Variants in CFAP299 observed in about 807,000 individuals in gnomAD.
The protein encoded by CFAP299 is cilia and flagella associated protein 299.
In CFAP299, 21 loss-of-function variants were observed where a neutral mutation model predicts 27.0. That is an observed-to-expected ratio of 0.78 (90% CI 0.55 to 1.12). The LOEUF is 1.12. CFAP299 is among the 50% of genes most tolerant of loss of function. The probability of loss-of-function intolerance (pLI) is 0.00; values close to 1 mark genes in which losing one functional copy is unlikely to be tolerated. For synonymous variants in CFAP299, 104 were observed against 98.1 expected (o/e 1.06, Z -0.36); for missense variants, 310 against 276.6 (o/e 1.12, Z -0.86).
intron 2 of CFAP299, among the ~76,000 whole-genome samples, chr4:80,534,379 T>A (rs529743161): frequency 3.7e-4 from 56 of 151,646 alleles, no homozygotes; most frequent in African/African-American, 1.3e-3. Flanking sequence ...AAAGTTTAGA[T>A]AACTTTTACC....
At chr4:80,897,110 G>A (rs1734644383) in intron 4 of CFAP299, among the ~76,000 whole-genome samples, 5 of 152,136 alleles carry the variant, frequency 3.3e-5, no homozygotes, top group Admixed American at 3.3e-4. Flanking sequence ...TACCTATTCA[G>A]TAATCTTAAC....
intron 4 of CFAP299, among the ~76,000 whole-genome samples, chr4:80,876,820 T>G (rs1038257486): frequency 1.2e-4 from 19 of 152,146 alleles, no homozygotes; most frequent in African/African-American, 4.1e-4. Flanking sequence ...TATTTTTTTT[T>G]GTCAGAAGTG....
chr4:80,956,261 A>G (rs1446365171), intron 5 of CFAP299, among the ~76,000 whole-genome samples: 2 of 152,168 alleles, frequency 1.3e-5, no homozygotes, highest in African/African-American at 2.4e-5. Context: ...TCAATTTACA[A>G]TTATATCTGA....
At chr4:80,782,697 ATTC>A in intron 3 of CFAP299, among the ~76,000 whole-genome samples, 1 of 131,966 alleles carries the variant, frequency 7.6e-6, no homozygotes, top group African/African-American at 2.8e-5. Flanking sequence ...TATATAATAT[ATTC>A]ATATATAATA....
At chr4:80,891,775 A>T (rs1302207761) in intron 4 of CFAP299, among the ~76,000 whole-genome samples, 1,714 of 114,868 alleles carry the variant, frequency 0.015, 51 homozygotes, top group African/African-American at 0.057. Context: ...TAAAAAAAAA[A>T]ATTAAAAAAA....
chr4:80,692,153 C>G (rs1402119829), intron 3 of CFAP299, among the ~76,000 whole-genome samples: 1 of 152,220 alleles, frequency 6.6e-6, no homozygotes, highest in Non-Finnish European at 1.5e-5. Context: ...CCATCCCCAT[C>G]AAGCTACCAA....
intron 3 of CFAP299, among the ~76,000 whole-genome samples, chr4:80,730,421 G>A (rs2110054922): frequency 6.6e-6 from 1 of 151,980 alleles, no homozygotes; most frequent in South Asian, 2.1e-4. Flanking sequence ...CCCTACCCAT[G>A]AAGGCAAGGC....
intron 3 of CFAP299, among the ~76,000 whole-genome samples, chr4:80,635,577 A>G (rs757094521): frequency 1.1e-4 from 16 of 152,218 alleles, no homozygotes; most frequent in Admixed American, 2.6e-4. Context: ...CAGTTTTAAT[A>G]TATGTTAGTG....
intron 3 of CFAP299, among the ~76,000 whole-genome samples, chr4:80,756,261 A>ACC (rs1176854841): frequency 6.6e-6 from 1 of 152,040 alleles, no homozygotes; most frequent in African/African-American, 2.4e-5. Context: ...TTGACTGGTT[A>ACC]CCTTTGCACA....
At chr4:80,635,082 C>T (rs1739413012) in intron 3 of CFAP299, among the ~76,000 whole-genome samples, 1 of 152,066 alleles carries the variant, frequency 6.6e-6, no homozygotes, top group African/African-American at 2.4e-5. Flanking sequence ...AACAGGCACT[C>T]ATTCTAGCTT....
At chr4:80,452,239 G>A (rs552034684) in intron 2 of CFAP299, among the ~76,000 whole-genome samples, 1 of 151,808 alleles carries the variant, frequency 6.6e-6, no homozygotes, top group African/African-American at 2.4e-5. Flanking sequence ...TGTAGGCTTT[G>A]CCTGACTCTC....
intron 2 of CFAP299, among the ~76,000 whole-genome samples, chr4:80,562,538 A>G (rs919700754): frequency 6.6e-6 from 1 of 151,804 alleles, no homozygotes; most frequent in South Asian, 2.1e-4. Flanking sequence ...AATTAAAAAT[A>G]AAGACTATCC....
At chr4:80,590,797 A>C (rs1274378076) in intron 3 of CFAP299, among the ~76,000 whole-genome samples, 2 of 152,210 alleles carry the variant, frequency 1.3e-5, no homozygotes, top group Non-Finnish European at 2.9e-5. Context: ...GGAATAATAT[A>C]CCTTAACTTA....
intron 2 of CFAP299, among the ~76,000 whole-genome samples, chr4:80,469,125 G>T (rs138620760): frequency 6.6e-6 from 1 of 152,184 alleles, no homozygotes; most frequent in African/African-American, 2.4e-5. Flanking sequence ...TTAATCAGCA[G>T]CATCAGCATC....
chr4:80,748,702 CTTTA>C (rs1466925167), intron 3 of CFAP299, among the ~76,000 whole-genome samples: 1 of 152,096 alleles, frequency 6.6e-6, no homozygotes, highest in African/African-American at 2.4e-5. Context: ...AAAGTCCAGT[CTTTA>C]TTTATTGTTT....
intron 3 of CFAP299, among the ~76,000 whole-genome samples, chr4:80,705,967 C>G (rs891791728): frequency 1.3e-5 from 2 of 151,730 alleles, no homozygotes; most frequent in South Asian, 4.1e-4. Context: ...TTAGTGAAAT[C>G]TTCAATTTTT....
At chr4:80,446,539 T>C (rs1219110980) in intron 2 of CFAP299, among the ~76,000 whole-genome samples, 1 of 152,230 alleles carries the variant, frequency 6.6e-6, no homozygotes, top group Non-Finnish European at 1.5e-5. Context: ...CTTATCCTTT[T>C]CACTGTCATT....
At chr4:80,799,880 A>C (rs1379745400) in intron 3 of CFAP299, among the ~76,000 whole-genome samples, 13 of 30,098 alleles carry the variant, frequency 4.3e-4, no homozygotes, top group African/African-American at 2.1e-3. Context: ...ATATTATATT[A>C]TATAATATAT....
intron 2 of CFAP299, among the ~76,000 whole-genome samples, chr4:80,543,374 G>A (rs529689157): frequency 2.6e-5 from 4 of 152,264 alleles, no homozygotes; most frequent in Admixed American, 2.0e-4. Context: ...TGGCTAAAAC[G>A]TCAGACACAG....
Sources: gnomAD v4.1 joint callset for allele counts (sites outside exome capture counted in the v4.1 genomes callset) on GRCh38, gnomAD v4.1.1 for gene constraint, MANE v1.5 for transcripts, NCBI Gene and HGNC (gene_info 2026-07-23, HGNC 2026-07-21) for gene names.